THSD7A: variants seen among roughly 807,000 people sequenced by gnomAD.
The protein encoded by THSD7A is thrombospondin type 1 domain containing 7A, also known as thrombospondin type-1 domain-containing protein 7A.
In THSD7A, 96 loss-of-function variants were observed where a neutral mutation model predicts 231.3. The ratio of observed to expected loss-of-function variants is 0.41; its 90% CI spans 0.35 to 0.49. The LOEUF (loss-of-function observed/expected upper bound fraction) is 0.49. THSD7A is among the 20% of genes least tolerant of loss of function. The pLI is 0.05. For missense variants in THSD7A, 2,290 were observed against 2,070.2 expected, an observed-to-expected ratio of 1.11 and a Z score of -2.06; for synonymous variants, 940 against 743.3, an observed-to-expected ratio of 1.26 and a Z score of -4.30.
chr7:11,409,603 G>C (rs1039260824), intron 19 of THSD7A, among the ~76,000 whole-genome samples: 1 of 152,034 alleles, frequency 6.6e-6, no homozygotes, highest in South Asian at 2.1e-4. Flanking sequence ...TTCAGCTTTC[G>C]CAAAGCTCTC....
chr7:11,640,804 AG>A (rs1267120150), intron 1 of THSD7A, among the ~76,000 whole-genome samples: 1 of 152,166 alleles, frequency 6.6e-6, no homozygotes, highest in East Asian at 1.9e-4. Context: ...CCCATATAAA[AG>A]TTTAATAATA....
chr7:11,418,912 AT>A (rs765617403), intron 16 of THSD7A, among the ~76,000 whole-genome samples: 59 of 152,222 alleles, frequency 3.9e-4, no homozygotes, highest in Non-Finnish European at 7.2e-4. Context: ...GTTGAAAAAA[AT>A]AAATCAAATT....
At chr7:11,389,936 G>T (rs1782917430) in intron 23 of THSD7A, among the ~76,000 whole-genome samples, 2 of 151,984 alleles carry the variant, frequency 1.3e-5, no homozygotes, top group African/African-American at 4.8e-5. Context: ...TGTCGAATAT[G>T]GGCCCCCACT....
At chr7:11,471,062 T>C (rs1374275921) in intron 8 of THSD7A, among the ~76,000 whole-genome samples, 2 of 151,982 alleles carry the variant, frequency 1.3e-5, no homozygotes, top group East Asian at 1.9e-4. Flanking sequence ...GATGCTACTA[T>C]TGCTAGAGGT....
chr7:11,826,855 T>C (rs1311268808), intron 1 of THSD7A, among the ~76,000 whole-genome samples: 1 of 151,742 alleles, frequency 6.6e-6, no homozygotes, highest in Non-Finnish European at 1.5e-5. Flanking sequence ...TTAACACTTA[T>C]TAGTAACATT....
At chr7:11,735,521 T>C (rs889554496) in intron 1 of THSD7A, among the ~76,000 whole-genome samples, 17 of 151,840 alleles carry the variant, frequency 1.1e-4, no homozygotes, top group African/African-American at 4.1e-4. Flanking sequence ...AATTTTTATG[T>C]TTAGACTTGA....
chr7:11,447,475 C>T, intron 11 of THSD7A, 51 bp from the exon 12 acceptor site: 1 of 1,393,418 alleles, frequency 7.2e-7, no homozygotes, highest in East Asian at 2.7e-5. Flanking sequence ...TCTAATTACT[C>T]TATAATTTAG....
At chr7:11,762,101 A>T (rs745538726) in intron 1 of THSD7A, among the ~76,000 whole-genome samples, 11 of 152,158 alleles carry the variant, frequency 7.2e-5, no homozygotes, top group African/African-American at 2.4e-4. Flanking sequence ...TTATCGCTGC[A>T]TAGTATTCCA....
chr7:11,558,465 G>C (rs1789939848), intron 4 of THSD7A, among the ~76,000 whole-genome samples: 1 of 152,036 alleles, frequency 6.6e-6, no homozygotes, highest in African/African-American at 2.4e-5. Context: ...CCTCTCTCCT[G>C]GTGAACTACT....
chr7:11,408,102 A>G (rs1318198091), intron 19 of THSD7A, among the ~76,000 whole-genome samples: 1 of 152,156 alleles, frequency 6.6e-6, no homozygotes, highest in Non-Finnish European at 1.5e-5. Context: ...TTTTATTGGC[A>G]TTTGGGTTCC....
intron 9 of THSD7A, among the ~76,000 whole-genome samples, chr7:11,466,692 G>A (rs1483395541): frequency 6.6e-6 from 1 of 151,994 alleles, no homozygotes; most frequent in African/African-American, 2.4e-5. Context: ...TCCTTGCTCC[G>A]GATGACATGA....
At chr7:11,686,608 A>G (rs529581389) in intron 1 of THSD7A, among the ~76,000 whole-genome samples, 1 of 152,044 alleles carries the variant, frequency 6.6e-6, no homozygotes, top group African/African-American at 2.4e-5. Flanking sequence ...GGTGGAATGC[A>G]TGAAGAAAAT....
At chr7:11,759,609 GA>G (rs1159260127) in intron 1 of THSD7A, among the ~76,000 whole-genome samples, 1 of 151,974 alleles carries the variant, frequency 6.6e-6, no homozygotes, top group Non-Finnish European at 1.5e-5. Flanking sequence ...CTCATATTCA[GA>G]AAGCCAAGCG....
At chr7:11,704,266 T>C (rs1422215509) in intron 1 of THSD7A, among the ~76,000 whole-genome samples, 1 of 151,066 alleles carries the variant, frequency 6.6e-6, no homozygotes, top group African/African-American at 2.4e-5. Context: ...ATCATCAGCA[T>C]TTTCATATTG....
In THSD7A at chr7:11,541,685, C is replaced by T. The variant is rs1414955837; in HGVS notation, c.1610-54G>A. On this transcript the variant is annotated intron_variant, in intron 5 of 27. Coordinates refer to ENST00000423059, the MANE Select transcript of THSD7A (RefSeq NM_015204.3). ...TGTTACTATCAAAGGTTTAGTATTT[C>T]AGAAAGTTGAATAAAACCTCAGAGT... 2.0e-6 allele frequency: 3 copies of T among 1,520,614 alleles called. No individual in the cohort carries two copies. In the Admixed American group the frequency reaches 5.5e-5, roughly 28 times the overall value. 94.2% of individuals were successfully genotyped at this position (1,520,614 alleles called of 1,614,324 possible).
At chr7:11,394,366 A>G (rs1783099686) in intron 23 of THSD7A, among the ~76,000 whole-genome samples, 1 of 152,186 alleles carries the variant, frequency 6.6e-6, no homozygotes, top group Non-Finnish European at 1.5e-5. Context: ...CACACTCAAT[A>G]TTGAAAGAAA....
At chr7:11,490,995 A>C (rs572268176) in intron 6 of THSD7A, among the ~76,000 whole-genome samples, 10 of 152,206 alleles carry the variant, frequency 6.6e-5, no homozygotes, top group Admixed American at 4.6e-4. Context: ...TCCCTCCCAT[A>C]CTACTACAGA....
chr7:11,616,915 C>A (rs1284118479), intron 2 of THSD7A, among the ~76,000 whole-genome samples: 3 of 152,116 alleles, frequency 2.0e-5, no homozygotes, highest in African/African-American at 7.2e-5. Context: ...CAGAATCATT[C>A]ATTTAAATGT....
rs1343068704 is a variant in THSD7A, at chr7:11,410,196, T to TAAAC, written c.3798+1007_3798+1010dup. On this transcript the variant is annotated intron_variant, in intron 19 of 27. Transcript: ENST00000423059. ...GTTATTGCAGGAGGCATTTATTAAC[T>TAAAC]AAACAAATTTGTGTTTTCAACACAT... Among the ~76,000 whole-genome samples the TAAAC allele has an allele frequency of 2.0e-5, 3 of 152,340 alleles. No homozygotes were observed. In the East Asian group the frequency reaches 5.8e-4, roughly 29 times the overall value.
Sources: allele counts gnomAD v4.1 joint callset (sites outside exome capture counted in the v4.1 genomes callset), GRCh38; gene constraint gnomAD v4.1.1; transcripts MANE v1.5; gene names NCBI Gene and HGNC (gene_info 2026-07-23, HGNC 2026-07-21).